PANK2: variants seen among roughly 807,000 people sequenced by gnomAD.
The protein encoded by PANK2 is pantothenate kinase 2.
Under a neutral mutation model 43.1 loss-of-function variants are expected in PANK2, and 36 were observed. That is an observed-to-expected ratio of 0.84 (90% CI 0.64 to 1.10). The LOEUF (loss-of-function observed/expected upper bound fraction) is 1.10, where lower values mean the gene tolerates loss of function less well. Among genes scored for constraint, PANK2 ranks in the 50% least tolerant of loss-of-function variants. The pLI is 0.00. For missense variants in PANK2, 576 were observed against 593.3 expected (o/e 0.97, Z 0.30); for synonymous variants, 281 against 238.2 (o/e 1.18, Z -1.66).
chr20:3,910,504 A>C (rs1401838803), intron 2 of PANK2, 73 bp from the exon 3 acceptor site: 2 of 1,522,926 alleles, frequency 1.3e-6, no homozygotes, highest in East Asian at 4.5e-5. Flanking sequence ...CGTAGTGGGG[A>C]TGCCTTATTG....
chr20:3,916,664 A>G (rs1267860438), intron 4 of PANK2, among the ~76,000 whole-genome samples: 1 of 152,220 alleles, frequency 6.6e-6, no homozygotes, highest in Non-Finnish European at 1.5e-5. Flanking sequence ...ATGAGATTCT[A>G]ACTGAATATG....
At chr20:3,918,608 G>A in intron 5 of PANK2, 63 bp from the exon 6 acceptor site, 2 of 1,606,352 alleles carry the variant, frequency 1.2e-6, no homozygotes, top group Non-Finnish European at 1.7e-6. Context: ...TGTATTTGGG[G>A]TAGCTTTTAT....
chr20:3,920,264 C>T (rs541030205), intron 6 of PANK2, among the ~76,000 whole-genome samples: 67 of 151,958 alleles, frequency 4.4e-4, no homozygotes, highest in Non-Finnish European at 8.1e-4. Flanking sequence ...GTAATCCCAG[C>T]ACTTTGGGAG....
intron 1 of PANK2, among the ~76,000 whole-genome samples, chr20:3,900,270 A>G (rs1279454187): frequency 2.6e-5 from 4 of 151,964 alleles, no homozygotes; most frequent in East Asian, 3.9e-4. Context: ...TATAGGGATG[A>G]GAATGGTGAC....
At chr20:3,893,875 A>T (rs2090161173) in intron 1 of PANK2, among the ~76,000 whole-genome samples, 1 of 147,776 alleles carries the variant, frequency 6.8e-6, no homozygotes, top group Non-Finnish European at 1.5e-5. Context: ...AGATTGCTAT[A>T]GCTTTGTGGC....
At chr20:3,922,517 C>G (rs969072091) in intron 6 of PANK2, among the ~76,000 whole-genome samples, 1 of 152,148 alleles carries the variant, frequency 6.6e-6, no homozygotes, top group Admixed American at 6.5e-5. Flanking sequence ...CTTCACGTTA[C>G]CTTTGGGTGG....
At position 3,907,941 on chromosome 20, in the gene PANK2, G is replaced by A. The variant is rs762879569; in HGVS notation, c.314G>A (p.Gly105Glu). The A allele has an allele frequency of 6.2e-7, 1 of 1,614,064 alleles. No individual in the cohort carries two copies. The highest frequency in any genetic ancestry group is 1.3e-5 in the African/African-American group (1 of 75,016). Residue 105 changes from glycine to glutamate, a missense_variant, in exon 2 of 7, where the codon GGA becomes GAA. Physicochemically the swap from Gly to Glu is moderately conservative, Grantham distance 98. Transcript: ENST00000610179. ...CCCCATTTAGTTTTTCCATGGTTTG[G>A]ACTGGATATCGGTGGAACTCTGGTC...
Position 3,908,038 on chromosome 20 carries a change from C to T in PANK2, c.411C>T (p.Ser137=). Residue 137 remains serine (S), a synonymous_variant, in exon 2 of 7, where the codon AGC becomes AGT. Coordinates refer to ENST00000610179, the MANE Select transcript of PANK2 (RefSeq NM_001386393.1). ...AGGAAGAAGTGGAAAGTCTTAAAAGCATTCGGAAGTACCTGACCTCCAATG... is the reference window on the plus strand; with the variant it reads ...AGGAAGAAGTGGAAAGTCTTAAAAGTATTCGGAAGTACCTGACCTCCAATG... The T allele has an allele frequency of 6.2e-7, 1 of 1,614,118 alleles. No individual in the cohort carries two copies. The highest frequency in any genetic ancestry group is 8.5e-7 in the Non-Finnish European group (1 of 1,179,998).
Position 3,907,870 on chromosome 20 carries a change from G to T in PANK2, c.299-56G>T, listed in dbSNP as rs1235309107. The stretch of plus-strand genomic sequence containing the variant: ...TGAAATAAGTTGCTACTGTGGTAAG[G>T]GTAAATTTAATTTTCAGAAAAAAGC... On this transcript the variant is annotated intron_variant, in intron 1 of 6. Transcript: ENST00000610179. 1.2e-5 allele frequency: 18 copies of T among 1,482,194 alleles called. No individual in the cohort carries two copies. The South Asian group carries it at 2.1e-4, about 17-fold the overall frequency. The allele number at this position is 1,482,194 out of a possible 1,614,324, so 91.8% of individuals were successfully genotyped here. A position where few individuals can be genotyped will look rare whatever the true frequency, so the allele number is the denominator to read the frequency against.
chr20:3,888,867 C>T (rs1001942721), upstream of PANK2: 10 of 485,378 alleles, frequency 2.1e-5, no homozygotes, highest in African/African-American at 1.4e-4. Context: ...GCGGCCTCGA[C>T]GGCAGCTGCG....
At chr20:3,895,992 A>G (rs2090200396) in intron 1 of PANK2, among the ~76,000 whole-genome samples, 2 of 152,086 alleles carry the variant, frequency 1.3e-5, no homozygotes, top group Admixed American at 6.6e-5. Flanking sequence ...GTCATTAACC[A>G]TCTGTGGTCT....
chr20:3,907,812 C>T (rs1600533398), intron 1 of PANK2, 114 bp from the exon 2 acceptor site: 1 of 902,706 alleles, frequency 1.1e-6, no homozygotes, highest in South Asian at 1.5e-5. Flanking sequence ...AACCCTTTTG[C>T]CTAGAATTAT....
chr20:3,921,070 A>AT (rs999737560), intron 6 of PANK2, among the ~76,000 whole-genome samples: 48 of 151,722 alleles, frequency 3.2e-4, no homozygotes, highest in Admixed American at 2.8e-3. Context: ...TTATTTTTTT[A>AT]TTTAAGTTCT....
intron 1 of PANK2, among the ~76,000 whole-genome samples, chr20:3,898,279 A>G (rs1204170254): frequency 6.6e-6 from 1 of 152,014 alleles, no homozygotes; most frequent in African/African-American, 2.4e-5. Flanking sequence ...GGCTAACTGC[A>G]GTCTCTGCCT....
In PANK2 at chr20:3,893,866, G is replaced by A. The variant is rs149090160; in HGVS notation, c.298+4138G>A. ...CCCTGGGAGCTGAGGAAAAATGTTA[G>A]ATTGCTATAGCTTTGTGGCCCATTG... On this transcript the variant is annotated intron_variant, in intron 1 of 6. Coordinates refer to ENST00000610179, the MANE Select transcript of PANK2 (RefSeq NM_001386393.1). Among the ~76,000 whole-genome samples, 396 of 150,666 alleles carry A rather than the reference G, an allele frequency of 2.6e-3. 1 individual carries two copies. Among genetic ancestry groups the A allele is most frequent in the African/African-American group, 8.4e-3 (345 of 41,022 alleles).
chr20:3,889,002 G>C (rs937815500), upstream of PANK2: 2 of 979,880 alleles, frequency 2.0e-6, no homozygotes, highest in African/African-American at 1.6e-5. Context: ...TGCGAGGACG[G>C]CACGGAGCAG....
rs754521581 is a variant in PANK2, at chr20:3,910,665, G to A, written c.740G>A (p.Arg247Gln). Residue 247 changes from arginine to glutamine, a missense_variant, in exon 3 of 7, where the codon CGG becomes CAG. This residue lies in a region of PANK2 where 544 missense variants were observed against 528.9 expected (regional missense o/e 1.03). Coordinates refer to ENST00000610179, the MANE Select transcript of PANK2 (RefSeq NM_001386393.1). Reference sequence around the variant, plus strand: ...ATTGACTCAGTCGGATTCAATGGACGGTCACAGTGCTATTACTTTGAAAAC... The same window carrying A: ...ATTGACTCAGTCGGATTCAATGGACAGTCACAGTGCTATTACTTTGAAAAC... 3.7e-6 allele frequency: 6 copies of A among 1,613,984 alleles called. No homozygotes were observed. The highest frequency in any genetic ancestry group is 1.3e-5 in the African/African-American group (1 of 74,904).
rs755466834 is a variant in PANK2, at chr20:3,889,458, C to G, written c.28C>G (p.Leu10Val). The G allele has an allele frequency of 1.0e-5, 16 of 1,546,638 alleles. No homozygotes were observed. Among genetic ancestry groups the G allele is most frequent in the Admixed American group, 1.9e-5 (1 of 51,984 alleles). ...GGGGGGCTTGCTCGGGCGGCAGCGACTGCTGCTGCGGATGGGAGGGGGCCG... is the reference window on the plus strand; with the variant it reads ...GGGGGGCTTGCTCGGGCGGCAGCGAGTGCTGCTGCGGATGGGAGGGGGCCG... The change falls in exon 1 of 7, where the codon CTG becomes GTG. Residue 10 changes from leucine (L) to valine (V), a missense_variant. Physicochemically the swap from Leu to Val is conservative, Grantham distance 32. Transcript: ENST00000610179.
At position 3,889,447 on chromosome 20, in the gene PANK2, G is replaced by A. The variant is rs767712182; in HGVS notation, c.17G>A (p.Gly6Glu). The A allele has an allele frequency of 9.7e-6, 15 of 1,552,874 alleles. No individual in the cohort carries two copies. The highest frequency in any genetic ancestry group is 1.2e-5 in the Non-Finnish European group (14 of 1,155,794). The change falls in exon 1 of 7, where the codon GGG becomes GAG. Residue 6 changes from glycine (G) to glutamate (E), a missense_variant. By Grantham distance (98) the Gly-to-Glu change is moderately conservative. Coordinates refer to ENST00000610179, the MANE Select transcript of PANK2 (RefSeq NM_001386393.1). ...AATCCGACGCTGGGGGGCTTGCTCG[G>A]GCGGCAGCGACTGCTGCTGCGGATG... is the stretch of plus-strand genomic sequence containing the variant.
Sources: allele counts gnomAD v4.1 joint callset (sites outside exome capture counted in the v4.1 genomes callset), GRCh38; gene constraint gnomAD v4.1.1; regional missense constraint gnomAD v4.1.1; transcripts MANE v1.5; gene names NCBI Gene and HGNC (gene_info 2026-07-23, HGNC 2026-07-21).